EPHA6: variants seen among roughly 807,000 people sequenced by gnomAD.
The protein encoded by EPHA6 is EPH receptor A6.
A neutral mutation model predicts 112.0 loss-of-function variants in EPHA6; 50 were observed. The ratio of observed to expected loss-of-function variants is 0.45; its 90% CI spans 0.36 to 0.56. The LOEUF (loss-of-function observed/expected upper bound fraction) is 0.56. Ranked by LOEUF, EPHA6 falls within the 20% of genes least tolerant of loss-of-function variation. The pLI, the probability that EPHA6 is intolerant of heterozygous loss-of-function variation, is 0.00. For missense variants in EPHA6, 1,280 were observed against 1,417.4 expected, an observed-to-expected ratio of 0.90 and a Z score of 1.56; for synonymous variants, 529 against 490.7, an observed-to-expected ratio of 1.08 and a Z score of -1.03.
chr3:97,595,025 A>C (rs773920384), intron 12 of EPHA6, among the ~76,000 whole-genome samples: 6 of 152,200 alleles, frequency 3.9e-5, no homozygotes, highest in Non-Finnish European at 7.3e-5. Flanking sequence ...ATACGTGACT[A>C]TGTCTTATAT....
intron 2 of EPHA6, among the ~76,000 whole-genome samples, chr3:96,936,165 T>C (rs925844685): frequency 6.6e-6 from 1 of 152,042 alleles, no homozygotes; most frequent in Non-Finnish European, 1.5e-5. Flanking sequence ...ACAACATCTA[T>C]TTTTTTAAAT....
intron 13 of EPHA6, among the ~76,000 whole-genome samples, chr3:97,628,703 C>T (rs557466889): frequency 6.6e-6 from 1 of 151,944 alleles, no homozygotes; most frequent in African/African-American, 2.4e-5. Context: ...TTAAAGAGAT[C>T]TTTTAAATAT....
chr3:97,108,783 C>T (rs1435559092), intron 3 of EPHA6, among the ~76,000 whole-genome samples: 1 of 152,130 alleles, frequency 6.6e-6, no homozygotes, highest in Non-Finnish European at 1.5e-5. Context: ...GGACCTTGAC[C>T]TCACTTCCAA....
At chr3:97,330,448 G>A (rs892693259) in intron 5 of EPHA6, among the ~76,000 whole-genome samples, 3 of 152,112 alleles carry the variant, frequency 2.0e-5, no homozygotes, top group Non-Finnish European at 4.4e-5. Context: ...TCCCACCCAT[G>A]AGCATGGAAT....
At chr3:96,998,152 T>A (rs2043492208) in intron 3 of EPHA6, among the ~76,000 whole-genome samples, 1 of 151,938 alleles carries the variant, frequency 6.6e-6, no homozygotes. Context: ...GTAAATAAAT[T>A]TACACACATT....
At chr3:97,035,324 G>C (rs1262079486) in intron 3 of EPHA6, among the ~76,000 whole-genome samples, 1 of 151,878 alleles carries the variant, frequency 6.6e-6, no homozygotes, top group African/African-American at 2.4e-5. Context: ...TCTCTCACCA[G>C]GATGCTTTGC....
At chr3:97,626,004 G>C (rs1238448081) in intron 13 of EPHA6, among the ~76,000 whole-genome samples, 1 of 151,686 alleles carries the variant, frequency 6.6e-6, no homozygotes, top group Non-Finnish European at 1.5e-5. Context: ...TAGTAGAAGA[G>C]TTTTTATGGG....
At chr3:97,198,440 C>T (rs1190816324) in intron 3 of EPHA6, among the ~76,000 whole-genome samples, 2 of 152,092 alleles carry the variant, frequency 1.3e-5, no homozygotes, top group African/African-American at 4.8e-5. Flanking sequence ...CTTCCTGCTT[C>T]TGAAGTTTAG....
At chr3:97,335,259 ATCTC>A (rs371584309) in intron 5 of EPHA6, among the ~76,000 whole-genome samples, 1 of 151,816 alleles carries the variant, frequency 6.6e-6, no homozygotes, top group Admixed American at 6.6e-5. Flanking sequence ...GTCTCTAGAT[ATCTC>A]TCTCTCTCTG....
intron 3 of EPHA6, among the ~76,000 whole-genome samples, chr3:97,215,097 T>C (rs1036519473): frequency 6.6e-6 from 1 of 152,204 alleles, no homozygotes; most frequent in African/African-American, 2.4e-5. Flanking sequence ...TTAATATCAG[T>C]TCCTGACACA....
At chr3:97,141,670 G>A (rs746444552) in intron 3 of EPHA6, among the ~76,000 whole-genome samples, 3 of 151,940 alleles carry the variant, frequency 2.0e-5, no homozygotes, top group African/African-American at 7.2e-5. Context: ...TCTGGGAAAT[G>A]GCAAAAGCAG....
rs77810395 is a variant in EPHA6 at position 97,550,464 on chromosome 3, G to A, written c.2386+17921G>A. Among the ~76,000 whole-genome samples, 1,448 of 152,036 alleles carry A rather than the reference G, an allele frequency of 9.5e-3. 7 individuals carry two copies. Among genetic ancestry groups the A allele is most frequent in the Non-Finnish European group, 0.015 (1,011 of 68,000 alleles). The stretch of plus-strand genomic sequence containing the variant: ...CCCCATATTAAAGTGGTGTCTCTTC[G>A]TCCAAACACCAAATCTTTAACCCAA... On this transcript the variant is annotated intron_variant, in intron 11 of 17. Coordinates refer to ENST00000389672, the MANE Select transcript of EPHA6 (RefSeq NM_001080448.3).
chr3:97,134,712 A>AT lies in EPHA6; in HGVS notation c.1115-91546dup, dbSNP rs548983542. ...ATTGTAAGAAAAATGCATCATTATG[A>AT]TTTTTTAATTTTCAAATTTACAGAT... On this transcript the variant is annotated intron_variant, in intron 3 of 17. Coordinates refer to ENST00000389672, the MANE Select transcript of EPHA6 (RefSeq NM_001080448.3). 3.4e-4 allele frequency among the ~76,000 whole-genome samples: 52 copies of AT among 152,282 alleles called. 2 individuals carry two copies. The East Asian group carries it at 3.5e-3, about 10-fold the overall frequency.
intron 2 of EPHA6, among the ~76,000 whole-genome samples, chr3:96,985,354 CTA>C (rs2042979762): frequency 6.6e-6 from 1 of 151,982 alleles, no homozygotes; most frequent in Non-Finnish European, 1.5e-5. Context: ...AGATTCTTTC[CTA>C]TGAGTAAAAT....
chr3:97,244,631 A>G lies in EPHA6; in HGVS notation c.1606+344A>G, dbSNP rs543249308. The G allele has an allele frequency of 4.6e-5, 15 of 324,852 alleles. No homozygotes were observed. In the South Asian group the frequency reaches 1.9e-3, roughly 40 times the overall value. The allele number at this position is 324,852 out of a possible 1,614,324, so 20.1% of individuals were successfully genotyped here. ...ATGTTATTAAATGAATTGAATTTCA[A>G]TTGCCCCACTTATGCTGCCATCCTT... is the stretch of plus-strand genomic sequence containing the variant. On this transcript the variant is annotated intron_variant, in intron 5 of 17. Coordinates refer to ENST00000389672, the MANE Select transcript of EPHA6 (RefSeq NM_001080448.3).
intron 16 of EPHA6, 115 bp from the exon 17 acceptor site, chr3:97,747,308 G>A (rs2035759671): frequency 1.1e-6 from 1 of 916,482 alleles, no homozygotes; most frequent in Admixed American, 3.8e-5. Flanking sequence ...TTCAAATGGA[G>A]AATAAAAACA....
chr3:97,725,072 A>C (rs1468370325), intron 15 of EPHA6, among the ~76,000 whole-genome samples: 1 of 152,134 alleles, frequency 6.6e-6, no homozygotes, highest in Admixed American at 6.5e-5. Flanking sequence ...TTTTTTCATC[A>C]TGAAACTAAG....
chr3:97,162,556 G>A (rs2076439458), intron 3 of EPHA6, among the ~76,000 whole-genome samples: 1 of 152,144 alleles, frequency 6.6e-6, no homozygotes, highest in South Asian at 2.1e-4. Flanking sequence ...TCAATTCAAA[G>A]CCAGTATCCA....
chr3:97,327,207 G>A (rs886932464), intron 5 of EPHA6, among the ~76,000 whole-genome samples: 1 of 151,966 alleles, frequency 6.6e-6, no homozygotes, highest in African/African-American at 2.4e-5. Flanking sequence ...TATAATGCAA[G>A]CAACCATCTC....
Sources: allele counts gnomAD v4.1 joint callset (sites outside exome capture counted in the v4.1 genomes callset), GRCh38; gene constraint gnomAD v4.1.1; transcripts MANE v1.5; gene names NCBI Gene and HGNC (gene_info 2026-07-23, HGNC 2026-07-21).